PRKRIP1: variants seen among roughly 807,000 people sequenced by gnomAD.
PRKRIP1 encodes the protein PRKR interacting protein 1, also known as PRKR-interacting protein 1.
Under a neutral mutation model 29.3 loss-of-function variants are expected in PRKRIP1, and 29 were observed. The ratio of observed to expected loss-of-function variants is 0.99; its 90% confidence interval spans 0.74 to 1.35. The LOEUF is 1.35. Ranked by LOEUF, PRKRIP1 falls within the 40% of genes most tolerant of loss-of-function variation. The pLI is 0.00. For missense variants in PRKRIP1, 247 were observed against 236.8 expected (o/e 1.04, Z -0.28); for synonymous variants, 90 against 85.1 (o/e 1.06, Z -0.32).
At chr7:102,404,441 G>GGCTC (rs1167749311) in intron 3 of PRKRIP1, 157 bp from the exon 4 acceptor site, 48 of 658,054 alleles carry the variant, frequency 7.3e-5, no homozygotes, top group Non-Finnish European at 1.2e-4. Flanking sequence ...CTGCCTCTGG[G>GGCTC]ACAGCCTTTT....
chr7:102,413,893 T>C (rs1796462514), intron 5 of PRKRIP1, among the ~76,000 whole-genome samples: 1 of 152,130 alleles, frequency 6.6e-6, no homozygotes, highest in Admixed American at 6.6e-5. Context: ...AAATCTCAGA[T>C]TCCTGGATCT....
chr7:102,398,387 C>T (rs1554570727), intron 2 of PRKRIP1, among the ~76,000 whole-genome samples: 3 of 152,010 alleles, frequency 2.0e-5, no homozygotes, highest in Non-Finnish European at 2.9e-5. Context: ...CGGGTTCAAG[C>T]GATTCTCCTG....
chr7:102,396,567 T>C, intron 1 of PRKRIP1, 30 bp downstream of exon 1: 1 of 1,595,278 alleles, frequency 6.3e-7, no homozygotes, highest in Non-Finnish European at 8.5e-7. Context: ...CCACGGCCCG[T>C]CCGAGGCCCA....
At chr7:102,423,407 C>A in intron 5 of PRKRIP1, 1 of 314,820 alleles carries the variant, frequency 3.2e-6, no homozygotes, top group Non-Finnish European at 6.4e-6. Context: ...AGCCACCGTG[C>A]CCGGCGCCTT....
At chr7:102,407,533 TTTC>T (rs1554572023) in intron 5 of PRKRIP1, 35 bp downstream of exon 5, 1 of 1,504,660 alleles carries the variant, frequency 6.6e-7, no homozygotes, top group Non-Finnish European at 9.2e-7. Context: ...CTGTAGCTTC[TTTC>T]TTCTTGTTGG....
At chr7:102,397,366 G>C (rs1212917183) in intron 1 of PRKRIP1, among the ~76,000 whole-genome samples, 2 of 152,084 alleles carry the variant, frequency 1.3e-5, no homozygotes, top group Non-Finnish European at 2.9e-5. Flanking sequence ...GGGCAACATA[G>C]TGGGTCCCTG....
At chr7:102,413,389 G>A (rs1586688307) in intron 5 of PRKRIP1, among the ~76,000 whole-genome samples, 3 of 152,178 alleles carry the variant, frequency 2.0e-5, no homozygotes, top group Non-Finnish European at 4.4e-5. Flanking sequence ...AACTACCCAC[G>A]TCCTTTGTGT....
intron 5 of PRKRIP1, among the ~76,000 whole-genome samples, chr7:102,413,188 C>T (rs1796438669): frequency 2.0e-5 from 3 of 152,120 alleles, no homozygotes; most frequent in Non-Finnish European, 4.4e-5. Flanking sequence ...ACCCACCTTC[C>T]CCCAGTCATC....
At chr7:102,418,008 G>C (rs1200467084) in intron 5 of PRKRIP1, among the ~76,000 whole-genome samples, 1 of 148,650 alleles carries the variant, frequency 6.7e-6, no homozygotes, top group Non-Finnish European at 1.5e-5. Context: ...TGTCCAAGAA[G>C]TCCTGGCTGC....
intron 4 of PRKRIP1, chr7:102,405,953 G>A (rs1796206817): frequency 6.0e-6 from 2 of 335,812 alleles, no homozygotes; most frequent in Non-Finnish European, 1.2e-5. Flanking sequence ...TTGTGGAAGT[G>A]CTTTCCCTGC....
intron 3 of PRKRIP1, among the ~76,000 whole-genome samples, chr7:102,402,081 A>G (rs550090696): frequency 5.3e-5 from 8 of 151,938 alleles, no homozygotes; most frequent in African/African-American, 1.4e-4. Flanking sequence ...AGTATTAGAC[A>G]GTTTTTGTCA....
chr7:102,403,697 T>A (rs2133171176), intron 3 of PRKRIP1, among the ~76,000 whole-genome samples: 1 of 152,346 alleles, frequency 6.6e-6, no homozygotes. Flanking sequence ...TTATTGTTCC[T>A]AACAGCTCTG....
At chr7:102,416,348 C>T (rs1167356888) in intron 5 of PRKRIP1, among the ~76,000 whole-genome samples, 1 of 152,224 alleles carries the variant, frequency 6.6e-6, no homozygotes, top group Non-Finnish European at 1.5e-5. Flanking sequence ...AGTGTGTGAA[C>T]CCACATCGAT....
chr7:102,397,623 A>G lies in PRKRIP1; in HGVS notation c.130A>G (p.Lys44Glu), dbSNP rs1156748109. 3 of 1,613,522 alleles carry G rather than the reference A, an allele frequency of 1.9e-6. No individual in the cohort carries two copies. The highest frequency in any genetic ancestry group is 2.2e-5 in the East Asian group (1 of 44,886). ...KLERLMKNPD[K>E]AVPIPEKMSE... ...CTTTCATGTTTAAATGTTGCAGGAC[A>G]AAGCAGTTCCAATTCCAGAGAAAAT... The change falls in exon 2 of 6, where the codon AAA becomes GAA. Residue 44 changes from lysine to glutamate, a missense_variant. Transcript: ENST00000397912.
At chr7:102,411,931 TTGTTGTTTTG>T (rs1375393449) in intron 5 of PRKRIP1, among the ~76,000 whole-genome samples, 3 of 76,014 alleles carry the variant, frequency 3.9e-5, no homozygotes, top group African/African-American at 8.4e-5. Flanking sequence ...TTTGTTGTTG[TTGTTGTTTTG>T]TTTGTTTGTT....
At chr7:102,405,962 G>A in intron 4 of PRKRIP1, 1 of 294,844 alleles carries the variant, frequency 3.4e-6, no homozygotes, top group South Asian at 3.4e-5. Flanking sequence ...TGCTTTCCCT[G>A]CAAAAAGTTG....
At chr7:102,422,243 T>C (rs1796714879) in intron 5 of PRKRIP1, among the ~76,000 whole-genome samples, 1 of 150,936 alleles carries the variant, frequency 6.6e-6, no homozygotes, top group South Asian at 2.1e-4. Flanking sequence ...GCTGTGATCT[T>C]GGCTCATTGC....
chr7:102,403,990 C>T (rs1259580397), intron 3 of PRKRIP1, among the ~76,000 whole-genome samples: 21 of 152,240 alleles, frequency 1.4e-4, no homozygotes, highest in Admixed American at 1.4e-3. Context: ...CATAGCCAGA[C>T]CTGTCTCTAC....
rs931208341 is a variant in PRKRIP1, at chr7:102,425,348, G to C, written c.*237G>C. The C allele has an allele frequency of 1.4e-6, 1 of 727,404 alleles. No homozygotes were observed. Among genetic ancestry groups the C allele is most frequent in the Admixed American group, 3.1e-5 (1 of 32,246 alleles). 45.1% of individuals were successfully genotyped at this position (727,404 alleles called of 1,614,324 possible). On this transcript the variant is annotated 3_prime_UTR_variant, in exon 6 of 6. Coordinates refer to ENST00000397912, the MANE Select transcript of PRKRIP1 (RefSeq NM_024653.4). ...GACACCATCCGTGCTCCTGGTAAAG[G>C]GGGACAGAGAGCCTCACCTTGCCAC...
Sources: allele counts gnomAD v4.1 joint callset (sites outside exome capture counted in the v4.1 genomes callset), GRCh38; gene constraint gnomAD v4.1.1; transcripts MANE v1.5; gene names NCBI Gene and HGNC (gene_info 2026-07-23, HGNC 2026-07-21).